Variants in HSPH1 observed in about 807,000 individuals in gnomAD.
The protein encoded by HSPH1 is heat shock protein 105 kDa.
A neutral mutation model predicts 100.0 loss-of-function variants in HSPH1; 40 were observed. The observed-to-expected ratio is 0.40, with a 90% confidence interval of 0.31 to 0.52. The LOEUF (loss-of-function observed/expected upper bound fraction) is 0.52, where lower values mean the gene tolerates loss of function less well. Ranked by LOEUF, HSPH1 falls within the 20% of genes least tolerant of loss-of-function variation. HSPH1 has a pLI of 0.54. For missense variants in HSPH1, 876 were observed against 1,015.1 expected (o/e 0.86, Z 1.86); for synonymous variants, 403 against 344.0 (o/e 1.17, Z -1.90).
chr13:31,137,087 G>A lies in HSPH1; in HGVS notation c.*231C>T, dbSNP rs747814555. 3.5e-5 allele frequency: 24 copies of A among 687,630 alleles called. No individual in the cohort carries two copies. The highest frequency in any genetic ancestry group is 2.5e-4 in the Middle Eastern group (1 of 4,018). The allele number at this position is 687,630 out of a possible 1,614,324, so 42.6% of individuals were successfully genotyped here. On this transcript the variant is annotated 3_prime_UTR_variant, in exon 18 of 18. Coordinates refer to ENST00000320027, the MANE Select transcript of HSPH1 (RefSeq NM_006644.4). ...TGCAAATGGTGAGACTGCACAGAAA[G>A]CTTAGTATGAATTCACAATTCCACA...
chr13:31,161,398 C>A, intron 1 of HSPH1, 78 bp downstream of exon 1: 1 of 1,563,330 alleles, frequency 6.4e-7, no homozygotes, highest in Non-Finnish European at 8.7e-7. Flanking sequence ...GTGATCCGTA[C>A]AGCCAGCCCG....
rs1224590215 is a variant in HSPH1, at chr13:31,161,759, T to C, written c.-177A>G. 3 of 1,526,234 alleles carry C rather than the reference T, an allele frequency of 2.0e-6. No individual in the cohort carries two copies. Among genetic ancestry groups the C allele is most frequent in the South Asian group, 1.2e-5 (1 of 83,088 alleles). 94.5% of individuals were successfully genotyped at this position (1,526,234 alleles called of 1,614,324 possible). On this transcript the variant is annotated 5_prime_UTR_variant, in exon 1 of 18. Coordinates refer to ENST00000320027, the MANE Select transcript of HSPH1 (RefSeq NM_006644.4). ...CAGCCGCGGCCTGTCAGGAGCCTCC[T>C]ACTCCCCCGGGGACAGCGGCGGCTG...
intron 2 of HSPH1, among the ~76,000 whole-genome samples, chr13:31,158,548 CAAAAAAAAAAA>C (rs11363658): frequency 1.6e-5 from 1 of 63,834 alleles, no homozygotes; most frequent in African/African-American, 6.8e-5. Flanking sequence ...GACTCTATCT[CAAAAAAAAAAA>C]AAAAAAAAAA....
At chr13:31,148,991 C>T (rs1421831928) in intron 8 of HSPH1, among the ~76,000 whole-genome samples, 1 of 152,052 alleles carries the variant, frequency 6.6e-6, no homozygotes, top group Non-Finnish European at 1.5e-5. Flanking sequence ...CCTATTTAGA[C>T]AGGACATATA....
intron 4 of HSPH1, 158 bp downstream of exon 4, chr13:31,154,475 A>C: frequency 1.2e-6 from 1 of 832,916 alleles, no homozygotes; most frequent in Non-Finnish European, 1.9e-6. Context: ...AATATCACTC[A>C]AATCTACTTT....
chr13:31,147,529 G>A (rs1021480571), intron 10 of HSPH1, among the ~76,000 whole-genome samples: 20 of 151,920 alleles, frequency 1.3e-4, no homozygotes, highest in Non-Finnish European at 2.6e-4. Context: ...ATAACACAAA[G>A]GTACACTTGA....
rs772131356 is a variant in HSPH1, at chr13:31,148,019, A to C, written c.1318T>G (p.Phe440Val). 1 of 1,610,910 alleles carries C rather than the reference A, an allele frequency of 6.2e-7. No homozygotes were observed. Among genetic ancestry groups the C allele is most frequent in the South Asian group, 1.1e-5 (1 of 90,426 alleles). Reference protein sequence around the residue: ...KVLTFLRRGPFELEAFYSDPQ... With the variant: ...KVLTFLRRGPVELEAFYSDPQ... ...TCAGAATAGAAAGCTTCTAGCTCAA[A>C]AGGCCCCCTTCTCAGAAAGGTGAGA... The change falls in exon 10 of 18, where the codon TTT becomes GTT. Residue 440 changes from phenylalanine (F) to valine (V), a missense_variant. Phe to Val is a conservative substitution (Grantham distance 50). Transcript: ENST00000320027.
intron 10 of HSPH1, among the ~76,000 whole-genome samples, chr13:31,146,412 T>G (rs1034785971): frequency 6.6e-6 from 1 of 152,196 alleles, no homozygotes; most frequent in African/African-American, 2.4e-5. Context: ...AAGCAGTCCT[T>G]GTCTCCTCCT....
At chr13:31,158,545 T>G (rs1272281262) in intron 2 of HSPH1, among the ~76,000 whole-genome samples, 1 of 74,758 alleles carries the variant, frequency 1.3e-5, no homozygotes, top group Non-Finnish European at 2.4e-5. Flanking sequence ...CGAGACTCTA[T>G]CTCAAAAAAA....
intron 13 of HSPH1, chr13:31,140,875 T>C (rs891844240): frequency 3.1e-6 from 1 of 326,392 alleles, no homozygotes; most frequent in Non-Finnish European, 5.5e-6. Flanking sequence ...CTGTGCTCTG[T>C]TATGATTTAT....
intron 10 of HSPH1, among the ~76,000 whole-genome samples, chr13:31,147,619 AAGTT>A (rs1261805541): frequency 2.0e-5 from 3 of 152,118 alleles, no homozygotes; most frequent in Non-Finnish European, 2.9e-5. Flanking sequence ...TCTAGAGAAA[AAGTT>A]AGTATTAAAA....
In HSPH1 at chr13:31,155,540, A is replaced by C; in HGVS notation, c.280T>G (p.Leu94Val). ...KENLSYDLVP[L>V]KNGGVGIKVM... ...TTTATTCCAACTCCACCATTTTTCAATGGAACCAAATCGTAACTCAAGTTT... is the reference window on the plus strand; with the variant it reads ...TTTATTCCAACTCCACCATTTTTCACTGGAACCAAATCGTAACTCAAGTTT... The change falls in exon 3 of 18, where the codon TTG (leucine) becomes GTG (valine). Residue 94 changes from leucine to valine, a missense_variant. Transcript: ENST00000320027. 6.2e-7 allele frequency: 1 copy of C among 1,610,798 alleles called. No individual in the cohort carries two copies. The highest frequency in any genetic ancestry group is 8.5e-7 in the Non-Finnish European group (1 of 1,178,310).
Position 31,137,016 on chromosome 13 carries a change from C to G in HSPH1, c.*302G>C, listed in dbSNP as rs1022306059. 5 of 488,188 alleles carry G rather than the reference C, an allele frequency of 1.0e-5. No individual in the cohort carries two copies. The highest frequency in any genetic ancestry group is 1.0e-4 in the African/African-American group (5 of 49,768). 30.2% of individuals were successfully genotyped at this position (488,188 alleles called of 1,614,324 possible). On this transcript the variant is annotated 3_prime_UTR_variant, in exon 18 of 18. Transcript: ENST00000320027. ...TCACAGCCCTCTTGAACAAGCAGTA[C>G]AGTTTTTTTTCTCCAAAAGACAAAA...
In HSPH1 at chr13:31,135,716, A is replaced by G. The variant is rs1316564689; in HGVS notation, c.*1602T>C. 1 of 152,256 alleles carries G rather than the reference A, an allele frequency of 6.6e-6. No homozygotes were observed. Among genetic ancestry groups the G allele is most frequent in the Non-Finnish European group, 1.5e-5 (1 of 68,038 alleles). The allele number at this position is 152,256 out of a possible 1,614,324, so 9.4% of individuals were successfully genotyped here. A position where few individuals can be genotyped will look rare whatever the true frequency, so the allele number is the denominator to read the frequency against. On this transcript the variant is annotated 3_prime_UTR_variant, in exon 18 of 18. Transcript: ENST00000320027. The stretch of plus-strand genomic sequence containing the variant: ...TACATCTTCACCCAGGAAGCATCAG[A>G]GCTGAGGAAATAAACCTCAGCAGTC...
chr13:31,150,258 C>T, intron 7 of HSPH1, 76 bp from the exon 8 acceptor site: 1 of 1,037,906 alleles, frequency 9.6e-7, no homozygotes, highest in Non-Finnish European at 1.4e-6. Flanking sequence ...CAATGAATTT[C>T]ATTATTTTCC....
At chr13:31,154,297 AAT>A in intron 4 of HSPH1, 2 of 339,452 alleles carry the variant, frequency 5.9e-6, no homozygotes, top group East Asian at 7.2e-5. Context: ...CGGAGGGTAG[AAT>A]TCTTTCACCT....
At chr13:31,144,035 T>G (rs1427517656) in intron 11 of HSPH1, 112 bp from the exon 12 acceptor site, 1 of 936,832 alleles carries the variant, frequency 1.1e-6, no homozygotes, top group African/African-American at 1.7e-5. Context: ...TCTTAACAGG[T>G]GGGGAGAAAA....
intron 12 of HSPH1, among the ~76,000 whole-genome samples, chr13:31,142,029 T>C (rs561769258): frequency 6.6e-6 from 1 of 152,178 alleles, no homozygotes; most frequent in African/African-American, 2.4e-5. Flanking sequence ...TGCTATGCAT[T>C]TCCATTTCTG....
chr13:31,146,167 G>A (rs1956259447), intron 10 of HSPH1, among the ~76,000 whole-genome samples: 1 of 152,020 alleles, frequency 6.6e-6, no homozygotes, highest in Non-Finnish European at 1.5e-5. Flanking sequence ...CTGTGTAAAG[G>A]AGACAGATAA....
Sources: allele counts gnomAD v4.1 joint callset (sites outside exome capture counted in the v4.1 genomes callset), GRCh38; gene constraint gnomAD v4.1.1; transcripts MANE v1.5; gene names NCBI Gene and HGNC (gene_info 2026-07-23, HGNC 2026-07-21).